The following FER1L5 variants were observed in gnomAD, a reference collection of about 807,000 sequenced individuals.
The protein encoded by FER1L5 is fer-1 like family member 5.
FER1L5 carries 187 observed loss-of-function variants against 279.9 expected under a neutral mutation model. The observed-to-expected ratio is 0.67, with a 90% CI of 0.59 to 0.75. The LOEUF (loss-of-function observed/expected upper bound fraction) is 0.75. Ranked by LOEUF, FER1L5 falls within the 30% of genes least tolerant of loss-of-function variation. The pLI is 0.00. For synonymous variants in FER1L5, 921 were observed against 989.7 expected (o/e 0.93, Z 1.30); for missense variants, 2,091 against 2,594.4 (o/e 0.81, Z 4.21).
At position 96,702,091 on chromosome 2, in the gene FER1L5, TC is replaced by T; in HGVS notation, c.5159+53del. On this transcript the variant is annotated intron_variant, in intron 46 of 52. Coordinates refer to ENST00000624922, the MANE Select transcript of FER1L5 (RefSeq NM_001293083.2). The surrounding 1 kb of genome is among the most constrained non-coding windows in gnomAD (Gnocchi z 4.0). ...ACTGCTGCATTTCACAGTTCAGAAC[TC>T]CCCCAGTGCAGGGCACCACTGTCCT... is the stretch of plus-strand genomic sequence containing the variant. The T allele has an allele frequency of 2.5e-6, 4 of 1,601,756 alleles. No homozygotes were observed. The highest frequency in any genetic ancestry group is 2.6e-6 in the Non-Finnish European group (3 of 1,169,988).
rs891163609 is a variant in FER1L5 at position 96,691,363 on chromosome 2, C to T, written c.2907+10C>T. On this transcript the variant is annotated intron_variant, in intron 28 of 52. Coordinates refer to ENST00000624922, the MANE Select transcript of FER1L5 (RefSeq NM_001293083.2). The surrounding 1 kb of genome is among the most constrained non-coding windows in gnomAD (Gnocchi z 6.0). ...CTCCTTCCTGCAGCTGGTGAGGGGT[C>T]GACGGGCGCCCTGGCTGGGACTGCG... The T allele has an allele frequency of 9.1e-6, 14 of 1,546,284 alleles. No homozygotes were observed. The highest frequency in any genetic ancestry group is 2.4e-5 in the East Asian group (1 of 40,840).
intron 23 of FER1L5, among the ~76,000 whole-genome samples, chr2:96,686,725 G>A (rs1050105422): frequency 3.3e-5 from 5 of 152,024 alleles, no homozygotes; most frequent in Admixed American, 3.3e-4. Flanking sequence ...GGGCATGGTG[G>A]CGCATGCTTG....
Position 96,651,983 on chromosome 2 carries a change from C to T in FER1L5, c.596C>T (p.Thr199Ile). The change falls in exon 7 of 53, where the codon ACA becomes ATA. Residue 199 changes from threonine (T) to isoleucine (I), a missense_variant. Coordinates refer to ENST00000624922, the MANE Select transcript of FER1L5 (RefSeq NM_001293083.2). ...KVSIAGQQHQ[T>I]RIKMGNNPFF... The stretch of plus-strand genomic sequence containing the variant: ...TCCATCGCAGGCCAGCAGCACCAGA[C>T]ACGCATCAAGATGGGAAACAACCCT... 6.4e-7 allele frequency: 1 copy of T among 1,551,860 alleles called. No homozygotes were observed. The highest frequency in any genetic ancestry group is 8.7e-7 in the Non-Finnish European group (1 of 1,147,030).
rs563426157 is a variant in FER1L5 at position 96,673,090 on chromosome 2, G to A, written c.1505G>A (p.Arg502His). 26 of 1,551,274 alleles carry A rather than the reference G, an allele frequency of 1.7e-5. No individual in the cohort carries two copies. Among genetic ancestry groups the A allele is most frequent in the Non-Finnish European group, 2.0e-5 (23 of 1,146,756 alleles). ...TTATTGTTTCAGAAGCACCAGAACCGCCAAAAGTATGGGCTGTGCGTCATC... is the reference window on the plus strand; with the variant it reads ...TTATTGTTTCAGAAGCACCAGAACCACCAAAAGTATGGGCTGTGCGTCATC... ...EVTRIEKHQN[R>H]QKYGLCVIFL... The change falls in exon 19 of 53, where the codon CGC becomes CAC. Residue 502 changes from arginine (R) to histidine (H), a missense_variant. Coordinates refer to ENST00000624922, the MANE Select transcript of FER1L5 (RefSeq NM_001293083.2).
chr2:96,702,872 C>T lies in FER1L5; in HGVS notation c.5398-106C>T, dbSNP rs1240775388. On this transcript the variant is annotated intron_variant, in intron 48 of 52. Transcript: ENST00000624922. The surrounding 1 kb of genome is among the most constrained non-coding windows in gnomAD (Gnocchi z 4.0). The stretch of plus-strand genomic sequence containing the variant: ...TCAGAAACATGTCCTCAGGTGGAAA[C>T]CCTCTTCCTTGATAGTCTATCACTG... 3 of 1,529,372 alleles carry T rather than the reference C, an allele frequency of 2.0e-6. No homozygotes were observed. The highest frequency in any genetic ancestry group is 8.8e-7 in the Non-Finnish European group (1 of 1,130,724). The allele number at this position is 1,529,372 out of a possible 1,614,324, so 94.7% of individuals were successfully genotyped here. A position where few individuals can be genotyped will look rare whatever the true frequency, so the allele number is the denominator to read the frequency against.
rs765966910 is a variant in FER1L5 at position 96,695,892 on chromosome 2, C to T, written c.4045C>T (p.Pro1349Ser). The T allele has an allele frequency of 1.2e-6, 2 of 1,613,560 alleles. No homozygotes were observed. Among genetic ancestry groups the T allele is most frequent in the Non-Finnish European group, 8.5e-7 (1 of 1,179,796 alleles). Residue 1349 changes from proline (P) to serine (S), a missense_variant, in exon 36 of 53, where the codon CCA (proline) becomes TCA (serine). Coordinates refer to ENST00000624922, the MANE Select transcript of FER1L5 (RefSeq NM_001293083.2). ...CDPWAQDYMH[P>S]KLPTLSEKKH... ...CCCCTGGGCTCAAGACTATATGCAC[C>T]CAAAGCTTCCAAGTACGGCCCTTCC...
intron 8 of FER1L5, 194 bp downstream of exon 8, chr2:96,653,896 T>C (rs1466195996): frequency 5.2e-6 from 3 of 572,584 alleles, no homozygotes; most frequent in Non-Finnish European, 9.2e-6. Context: ...ATGTTGTGGA[T>C]TGCCAACTGC....
Position 96,673,373 on chromosome 2 carries a change from A to C in FER1L5, c.1669+119A>C, listed in dbSNP as rs891079249. The stretch of plus-strand genomic sequence containing the variant: ...CATAGGCATTATTTACCTATATTTC[A>C]CACATGAAAAAATGAGGTTCAGGGA... On this transcript the variant is annotated intron_variant, in intron 19 of 52. Coordinates refer to ENST00000624922, the MANE Select transcript of FER1L5 (RefSeq NM_001293083.2). 1.7e-5 allele frequency: 19 copies of C among 1,145,984 alleles called. No homozygotes were observed. In the Admixed American group the frequency reaches 2.0e-4, roughly 12 times the overall value. The allele number at this position is 1,145,984 out of a possible 1,614,324, so 71.0% of individuals were successfully genotyped here. A position where few individuals can be genotyped will look rare whatever the true frequency, so the allele number is the denominator to read the frequency against.
At chr2:96,685,651 C>G (rs188338977) in intron 21 of FER1L5, among the ~76,000 whole-genome samples, 8 of 152,194 alleles carry the variant, frequency 5.3e-5, no homozygotes, top group Non-Finnish European at 1.0e-4. Flanking sequence ...CACCCACACC[C>G]GAGGCTCCTC....
intron 19 of FER1L5, among the ~76,000 whole-genome samples, chr2:96,680,988 C>G (rs2076701839): frequency 6.6e-6 from 1 of 152,242 alleles, no homozygotes; most frequent in Non-Finnish European, 1.5e-5. Flanking sequence ...CCTCCCAAAG[C>G]ATTGGGATTG....
At position 96,687,881 on chromosome 2, in the gene FER1L5, C is replaced by A. The variant is rs1558904278; in HGVS notation, c.2295C>A (p.Gly765=). The change falls in exon 24 of 53, where the codon GGC becomes GGA. Residue 765 remains glycine, a synonymous_variant. Coordinates refer to ENST00000624922, the MANE Select transcript of FER1L5 (RefSeq NM_001293083.2). ...PAHLRVCMWL[G]NVTDSKDLQL... is the part of the protein sequence containing the mutation. ...ACCTCCGGGTCTGCATGTGGCTTGG[C>A]AATGTCACAGACAGCAAGGACCTGC... 6.4e-7 allele frequency: 1 copy of A among 1,551,184 alleles called. No homozygotes were observed. The highest frequency in any genetic ancestry group is 2.4e-5 in the East Asian group (1 of 40,910).
intron 9 of FER1L5, among the ~76,000 whole-genome samples, chr2:96,659,511 A>ATTTCTTTCTTTCTTTCTTTC (rs2075863319): frequency 1.3e-4 from 2 of 15,744 alleles, no homozygotes; most frequent in Admixed American, 1.1e-3. Context: ...CTTTCTTTCG[A>ATTTCTTTCTTTCTTTCTTTC]GACAGAGTCT....
At chr2:96,651,262 TC>T (rs2075358959) in intron 6 of FER1L5, among the ~76,000 whole-genome samples, 1 of 149,468 alleles carries the variant, frequency 6.7e-6, no homozygotes, top group Non-Finnish European at 1.5e-5. Context: ...TTTCTTTCTT[TC>T]TTTCTTTCTT....
intron 19 of FER1L5, among the ~76,000 whole-genome samples, chr2:96,676,241 T>C (rs892786678): frequency 3.3e-5 from 5 of 152,130 alleles, no homozygotes; most frequent in African/African-American, 1.2e-4. Context: ...TGCCTATCCT[T>C]ATCCACCACA....
At chr2:96,652,303 G>C (rs1165517586) in intron 7 of FER1L5, 1 of 426,924 alleles carries the variant, frequency 2.3e-6, no homozygotes, top group Non-Finnish European at 4.3e-6. Flanking sequence ...ATTGCTATTG[G>C]AGGTTCGAAG....
At chr2:96,685,534 G>A (rs913588229) in intron 21 of FER1L5, 105 bp downstream of exon 21, 72 of 952,090 alleles carry the variant, frequency 7.6e-5, no homozygotes, top group Non-Finnish European at 1.5e-6. Flanking sequence ...CCCTCCTCGG[G>A]GAGGAGCACT....
At chr2:96,648,552 G>A (rs2075232593) in intron 4 of FER1L5, among the ~76,000 whole-genome samples, 1 of 152,248 alleles carries the variant, frequency 6.6e-6, no homozygotes, top group Non-Finnish European at 1.5e-5. Context: ...TCCTAAGTTG[G>A]AAGTGGGGAC....
chr2:96,695,955 C>G, intron 36 of FER1L5, 51 bp downstream of exon 36: 3 of 1,607,868 alleles, frequency 1.9e-6, no homozygotes, highest in Non-Finnish European at 2.5e-6. Context: ...CGAGCCTGCA[C>G]TGGGAGTGGG....
In FER1L5 at chr2:96,702,279, C is replaced by A; in HGVS notation, c.5160-27C>A. The A allele has an allele frequency of 6.2e-7, 1 of 1,602,096 alleles. No homozygotes were observed. The highest frequency in any genetic ancestry group is 1.1e-5 in the South Asian group (1 of 88,978). On this transcript the variant is annotated intron_variant, in intron 46 of 52. Transcript: ENST00000624922. This position sits in a 1 kb window ranked among gnomAD's most constrained non-coding sequence, Gnocchi z 4.0. ...CTGCAGCTGGGGAGCTCCTCCTCAG[C>A]AAAGCCTCAGAGCACAGTGGCCACA...
Sources: allele counts gnomAD v4.1 joint callset (sites outside exome capture counted in the v4.1 genomes callset), GRCh38; gene constraint gnomAD v4.1.1; non-coding constraint Gnocchi (gnomAD v3.1); transcripts MANE v1.5; gene names NCBI Gene and HGNC (gene_info 2026-07-23, HGNC 2026-07-21).